NACA: variants seen among roughly 807,000 people sequenced by gnomAD.
The protein encoded by NACA is nascent polypeptide associated complex subunit alpha.
A neutral mutation model predicts 86.4 loss-of-function variants in NACA; 42 were observed. The observed-to-expected ratio is 0.49, with a 90% CI of 0.38 to 0.63. NACA has a LOEUF of 0.63. NACA is among the 20% of genes least tolerant of loss of function. The probability of loss-of-function intolerance (pLI) is 0.00; values close to 1 mark genes in which losing one functional copy is unlikely to be tolerated. For synonymous variants in NACA, 898 were observed against 973.7 expected, an observed-to-expected ratio of 0.92 and a Z score of 1.45; for missense variants, 2,157 against 2,483.6, an observed-to-expected ratio of 0.87 and a Z score of 2.80.
Position 56,716,011 on chromosome 12 carries a change from A to C in NACA, c.5519T>G (p.Leu1840Arg), listed in dbSNP as rs1160851105. The change falls in exon 3 of 9, where the codon CTG (leucine) becomes CGG (arginine). Residue 1840 changes from leucine (L) to arginine (R), a missense_variant. By Grantham distance (102) the Leu-to-Arg change is moderately radical. Transcript: ENST00000454682. ...TGGTTCCGGGGGAATCAGAGGCAGC[A>C]GCTCATCCTCATCAGCAGGGGCAAG... ...KPLAPADEDELLPLIPPEPIS... is the reference protein window; with the variant it reads ...KPLAPADEDERLPLIPPEPIS... 1.3e-6 allele frequency: 2 copies of C among 1,598,734 alleles called. No individual in the cohort carries two copies. The highest frequency in any genetic ancestry group is 1.7e-6 in the Non-Finnish European group (2 of 1,171,030).
At position 56,716,223 on chromosome 12, in the gene NACA, C is replaced by A. The variant is rs754270901; in HGVS notation, c.5307G>T (p.Ala1769=). The A allele has an allele frequency of 3.1e-6, 5 of 1,613,634 alleles. No homozygotes were observed. The African/African-American group carries it at 6.7e-5, about 22-fold the overall frequency. The change falls in exon 3 of 9, where the codon GCG becomes GCT. Residue 1769 remains alanine, a synonymous_variant. Coordinates refer to ENST00000454682, the MANE Select transcript of NACA (RefSeq NM_001365896.1). Reference sequence around the variant, plus strand: ...AGGCAGCTGCTGTTAGAGGGGTGGACGCCTTAGACTCAGGAGGAGCCAAGG... The same window carrying A: ...AGGCAGCTGCTGTTAGAGGGGTGGAAGCCTTAGACTCAGGAGGAGCCAAGG... The part of the protein sequence containing the change: ...KGPLAPPESK[A]STPLTAAAFE...
At position 56,721,182 on chromosome 12, in the gene NACA, T is replaced by C; in HGVS notation, c.348A>G (p.Leu116=). ...LIGPPISPAA[L]ALASPMIAPT... is the part of the protein sequence containing the mutation. ...GAGCTATCATGGGAGAGGCTAGAGC[T>C]AAGGCAGCTGGGGAGATGGGAGGCC... Residue 116 remains leucine, a synonymous_variant, in exon 3 of 9, where the codon TTA becomes TTG. Transcript: ENST00000454682. 6.2e-7 allele frequency: 1 copy of C among 1,613,818 alleles called. No homozygotes were observed.
chr12:56,714,215 A>C, intron 5 of NACA, 147 bp downstream of exon 5: 12 of 680,346 alleles, frequency 1.8e-5, no homozygotes, highest in Non-Finnish European at 3.0e-5. Context: ...CTTGGGTGAC[A>C]GGTGCACCAA....
At chr12:56,712,583 T>C (rs1276363992) in intron 8 of NACA, 31 bp from the exon 9 acceptor site, 1 of 1,612,696 alleles carries the variant, frequency 6.2e-7, no homozygotes, top group South Asian at 1.1e-5. Context: ...TTAGCGGTTC[T>C]TATAGGCAAA....
chr12:56,716,046 G>C lies in NACA; in HGVS notation c.5484C>G (p.Pro1828=), dbSNP rs138803259. The C allele has an allele frequency of 1.2e-4, 190 of 1,610,574 alleles. No individual in the cohort carries two copies. In the East Asian group the frequency reaches 3.7e-3, roughly 31 times the overall value. ...CATCAGCAGGGGCAAGGGGTTTAGA[G>C]GGTGATTCCAACACCAGCCCAGGAG... ...PSSPGLVLES[P]SKPLAPADED... The change falls in exon 3 of 9, where the codon CCC becomes CCG. Residue 1828 remains proline (P), a synonymous_variant. Coordinates refer to ENST00000454682, the MANE Select transcript of NACA (RefSeq NM_001365896.1).
intron 5 of NACA, 96 bp from the exon 6 acceptor site, chr12:56,713,779 C>T (rs1953277742): frequency 7.9e-7 from 1 of 1,261,122 alleles, no homozygotes; most frequent in Non-Finnish European, 1.1e-6. Flanking sequence ...AAGCCTTTCC[C>T]CAGGCTGAGA....
chr12:56,723,732 C>G (rs1025826721), intron 2 of NACA, among the ~76,000 whole-genome samples: 5 of 152,144 alleles, frequency 3.3e-5, no homozygotes, highest in African/African-American at 9.7e-5. Context: ...TTTAACGCTG[C>G]ACAACTGACT....
chr12:56,714,778 C>A, intron 3 of NACA, 91 bp from the exon 4 acceptor site: 1 of 1,158,308 alleles, frequency 8.6e-7, no homozygotes, highest in Non-Finnish European at 1.3e-6. Context: ...AGGTGAATGC[C>A]TCATGCTAGA....
rs1170085435 is a variant in NACA, at chr12:56,717,262, T to C, written c.4268A>G (p.Glu1423Gly). The change falls in exon 3 of 9, where the codon GAA (glutamate) becomes GGA (glycine). Residue 1423 changes from glutamate to glycine, a missense_variant. This residue lies in a region of NACA where 797 missense variants were observed against 777.6 expected (regional missense o/e 1.02). Transcript: ENST00000454682. Reference sequence around the variant, plus strand: ...TCCTTTGGATGGGGTGGCTGCGCCTTCTCTGGTGACTGGAGTTGCTGGAGC... The same window carrying C: ...TCCTTTGGATGGGGTGGCTGCGCCTCCTCTGGTGACTGGAGTTGCTGGAGC... ...KKAPATPVTR[E>G]GAATPSKGDL... The C allele has an allele frequency of 3.0e-6, 4 of 1,326,760 alleles. No homozygotes were observed. The highest frequency in any genetic ancestry group is 3.5e-5 in the East Asian group (1 of 28,944). The allele number at this position is 1,326,760 out of a possible 1,614,324, so 82.2% of individuals were successfully genotyped here.
rs377256223 is a variant in NACA, at chr12:56,721,275, T to A, written c.255A>T (p.Ser85=). ...CCAAAGGTAGGGCTGTTCCAGAGGA[T>A]GACTGGGGAAAAGGAACTTCTAAAG... ...STPLEVPFPQ[S]SSGTALPLGT... Residue 85 remains serine (S), a synonymous_variant, in exon 3 of 9, where the codon TCA becomes TCT. Coordinates refer to ENST00000454682, the MANE Select transcript of NACA (RefSeq NM_001365896.1). The A allele has an allele frequency of 6.2e-7, 1 of 1,612,014 alleles. No individual in the cohort carries two copies. The highest frequency in any genetic ancestry group is 8.5e-7 in the Non-Finnish European group (1 of 1,179,416).
At chr12:56,724,404 G>C in intron 2 of NACA, 48 bp downstream of exon 2, 16 of 1,556,948 alleles carry the variant, frequency 1.0e-5, no homozygotes, top group African/African-American at 1.4e-5. Context: ...CCACCAAATG[G>C]CTTTAGGGTT....
chr12:56,717,571 G>C lies in NACA; in HGVS notation c.3959C>G (p.Pro1320Arg). Residue 1320 changes from proline to arginine, a missense_variant, in exon 3 of 9, where the codon CCA (proline) becomes CGA (arginine). Physicochemically the swap from Pro to Arg is moderately radical, Grantham distance 103. This residue lies in a region of NACA where 797 missense variants were observed against 777.6 expected (regional missense o/e 1.02). Coordinates refer to ENST00000454682, the MANE Select transcript of NACA (RefSeq NM_001365896.1). The stretch of plus-strand genomic sequence containing the variant: ...GGGTGGGGTACCTGGGCTTCCTTTT[G>C]GGGAGGGAGGAGTTGCAGCTGGAGG... ...PTPPAATPPS[P>R]KGSPGTPPPK... The C allele has an allele frequency of 7.8e-7, 1 of 1,285,808 alleles. No homozygotes were observed. Among genetic ancestry groups the C allele is most frequent in the Non-Finnish European group, 1.0e-6 (1 of 994,528 alleles). The allele number at this position is 1,285,808 out of a possible 1,614,324, so 79.6% of individuals were successfully genotyped here.
Position 56,721,318 on chromosome 12 carries a change from GA to G in NACA, c.211del (p.Ser71LeufsTer8), listed in dbSNP as rs748062143. 1 of 1,612,206 alleles carries G rather than the reference GA, an allele frequency of 6.2e-7. No homozygotes were observed. The highest frequency in any genetic ancestry group is 2.2e-5 in the East Asian group (1 of 44,866). On this transcript the variant is annotated frameshift_variant, in exon 3 of 9. Transcript: ENST00000454682. LOFTEE classifies it high-confidence loss of function. ...TTCTAAAGGGGTCGAGGCAATAGTAGAGGGGGAAGGGAATGGGGAAGCCTGG... is the reference window on the plus strand; with the variant it reads ...TTCTAAAGGGGTCGAGGCAATAGTAGGGGGGAAGGGAATGGGGAAGCCTGG... ...ANQASPFPSPSTIASTPLEVP... is the reference protein window; with the variant it reads ...ANQASPFPSPXTIASTPLEVP...
At position 56,720,509 on chromosome 12, in the gene NACA, C is replaced by A; in HGVS notation, c.1021G>T (p.Val341Leu). 1 of 1,613,876 alleles carries A rather than the reference C, an allele frequency of 6.2e-7. No individual in the cohort carries two copies. Among genetic ancestry groups the A allele is most frequent in the Non-Finnish European group, 8.5e-7 (1 of 1,179,808 alleles). The change falls in exon 3 of 9, where the codon GTA (valine) becomes TTA (leucine). Residue 341 changes from valine to leucine, a missense_variant. Transcript: ENST00000454682. ...GAGGCCCCTGTGGAAGAATGATCTA[C>A]AGAAATGGTCTTCACTGTAGGGTCT... ...LSDPTVKTISVDHSSTGASYP... is the reference protein window; with the variant it reads ...LSDPTVKTISLDHSSTGASYP...
chr12:56,721,269 AGAG>A lies in NACA; in HGVS notation c.258_260del (p.Ser87del), dbSNP rs1181039520. ...CAGTTCCCAAAGGTAGGGCTGTTCC[AGAG>A]GATGACTGGGGAAAAGGAACTTCTA... On this transcript the variant is annotated inframe_deletion, in exon 3 of 9. Transcript: ENST00000454682. The A allele has an allele frequency of 6.2e-7, 1 of 1,613,270 alleles. No individual in the cohort carries two copies. The highest frequency in any genetic ancestry group is 1.7e-5 in the Admixed American group (1 of 59,910).
Position 56,716,263 on chromosome 12 carries a change from T to C in NACA, c.5267A>G (p.His1756Arg). ...AGGAGCCAAGGGGCCCTTTGGGGAA[T>C]GAGAAGCATCTTTGCCTTTTGCTGT... is the stretch of plus-strand genomic sequence containing the variant. Reference protein sequence around the residue: ...SKTAKGKDASHSPKGPLAPPE... With the variant: ...SKTAKGKDASRSPKGPLAPPE... The change falls in exon 3 of 9, where the codon CAT (histidine) becomes CGT (arginine). Residue 1756 changes from histidine (H) to arginine (R), a missense_variant. This residue lies in a region of NACA where 797 missense variants were observed against 777.6 expected (regional missense o/e 1.02). Transcript: ENST00000454682. The C allele has an allele frequency of 1.9e-6, 3 of 1,613,688 alleles. No homozygotes were observed. The highest frequency in any genetic ancestry group is 1.7e-6 in the Non-Finnish European group (2 of 1,179,852).
chr12:56,723,246 C>T (rs1953620933), intron 2 of NACA, among the ~76,000 whole-genome samples: 1 of 152,180 alleles, frequency 6.6e-6, no homozygotes, highest in Admixed American at 6.5e-5. Context: ...TATAAGCCTA[C>T]TATGCAACTC....
rs1953499433 is a variant in NACA, at chr12:56,719,249, C to T, written c.2281G>A (p.Ala761Thr). 6.5e-7 allele frequency: 1 copy of T among 1,536,118 alleles called. No individual in the cohort carries two copies. Among genetic ancestry groups the T allele is most frequent in the Non-Finnish European group, 8.8e-7 (1 of 1,130,332 alleles). Residue 761 changes from alanine to threonine, a missense_variant, in exon 3 of 9, where the codon GCA becomes ACA. Ala to Thr is a moderately conservative substitution (Grantham distance 58). This residue lies in a region of NACA where 947 missense variants were observed against 917.9 expected (regional missense o/e 1.03). Transcript: ENST00000454682. ...VDGISHTSALAPVASSPKECP... is the reference protein window; with the variant it reads ...VDGISHTSALTPVASSPKECP... ...TCTTTGGGAGAGGAAGCAACAGGTG[C>T]CAATGCTGAAGTATGAGAAATACCA...
In NACA at chr12:56,720,959, CTTTA is replaced by C; in HGVS notation, c.567_570del (p.Asn189LysfsTer6). 6.2e-7 allele frequency: 1 copy of C among 1,613,956 alleles called. No homozygotes were observed. The highest frequency in any genetic ancestry group is 1.3e-5 in the African/African-American group (1 of 75,020). On this transcript the variant is annotated frameshift_variant, in exon 3 of 9. Transcript: ENST00000454682. LOFTEE classifies it high-confidence loss of function. ...GGATTAGGGACTACCTCAGAGGGAA[CTTTA>C]TTAAGATTAGTCTTTGGTTCTGAGG...
Sources: gnomAD v4.1 joint callset for allele counts (sites outside exome capture counted in the v4.1 genomes callset) on GRCh38, gnomAD v4.1.1 for gene constraint, gnomAD v4.1.1 regional missense constraint, MANE v1.5 for transcripts, NCBI Gene and HGNC (gene_info 2026-07-23, HGNC 2026-07-21) for gene names.